FAN1: variants seen among roughly 807,000 people sequenced by gnomAD.
FAN1 encodes the protein fanconi-associated nuclease 1.
Under a neutral mutation model 104.9 loss-of-function variants are expected in FAN1, and 91 were observed. The observed-to-expected ratio is 0.87, with a 90% CI of 0.73 to 1.03. FAN1 has a LOEUF of 1.03. FAN1 is among the 50% of genes least tolerant of loss of function. The pLI is 0.00. For missense variants in FAN1, 1,263 were observed against 1,239.9 expected (o/e 1.02, Z -0.28); for synonymous variants, 478 against 457.6 (o/e 1.04, Z -0.57).
At chr15:30,940,783 A>G in intron 14 of FAN1, 1 of 986,932 alleles carries the variant, frequency 1.0e-6, no homozygotes, top group Non-Finnish European at 1.2e-6. Context: ...AAGTGAAATT[A>G]TATTTTCTTC....
chr15:30,936,578 T>C (rs970984440), intron 13 of FAN1, among the ~76,000 whole-genome samples: 7 of 152,234 alleles, frequency 4.6e-5, no homozygotes, highest in Non-Finnish European at 7.3e-5. Context: ...TCTGAATAAA[T>C]TTCTTAGCTA....
Position 30,918,227 on chromosome 15 carries a change from A to G in FAN1, c.1875A>G (p.Glu625=). 6.2e-7 allele frequency: 1 copy of G among 1,614,144 alleles called. No homozygotes were observed. Among genetic ancestry groups the G allele is most frequent in the Non-Finnish European group, 8.5e-7 (1 of 1,180,012 alleles). ...ISSAMANGNW[E]EAKELAQCAK... is the part of the protein sequence containing the mutation. ...CCGCAATGGCCAATGGGAACTGGGA[A>G]GAAGCTAAGGAGCTCGCTCAGTGTG... Residue 625 remains glutamate, a synonymous_variant, in exon 6 of 15, where the codon GAA becomes GAG. Transcript: ENST00000362065.
chr15:30,930,705 A>G, intron 13 of FAN1, 34 bp downstream of exon 13: 7 of 1,610,482 alleles, frequency 4.3e-6, no homozygotes, highest in Non-Finnish European at 5.9e-6. Flanking sequence ...TCCTGTTGGT[A>G]ACCTTATTAG....
In FAN1 at chr15:30,942,649, T is replaced by G. The variant is rs1288609968; in HGVS notation, c.*1087T>G. 2.1e-6 allele frequency: 1 copy of G among 467,868 alleles called. No individual in the cohort carries two copies. The highest frequency in any genetic ancestry group is 3.7e-6 in the Non-Finnish European group (1 of 268,832). The allele number at this position is 467,868 out of a possible 1,614,324, so 29.0% of individuals were successfully genotyped here. A position where few individuals can be genotyped will look rare whatever the true frequency, so the allele number is the denominator to read the frequency against. ...AATGGATAAATGGGGCTTTAGTAAATCAGGCTTGCAGGCTCAAAGCTGCAA... is the reference window on the plus strand; with the variant it reads ...AATGGATAAATGGGGCTTTAGTAAAGCAGGCTTGCAGGCTCAAAGCTGCAA... On this transcript the variant is annotated 3_prime_UTR_variant, in exon 15 of 15. Transcript: ENST00000362065.
At position 30,908,235 on chromosome 15, in the gene FAN1, C is replaced by T. The variant is rs182455628; in HGVS notation, c.1352C>T (p.Thr451Met). 20 of 1,605,236 alleles carry T rather than the reference C, an allele frequency of 1.2e-5. No individual in the cohort carries two copies. Among genetic ancestry groups the T allele is most frequent in the South Asian group, 5.7e-5 (5 of 88,466 alleles). Residue 451 changes from threonine to methionine, a missense_variant, in exon 3 of 15, where the codon ACG becomes ATG. This residue lies in a region of FAN1 where 682 missense variants were observed against 571.1 expected (regional missense o/e 1.19). Coordinates refer to ENST00000362065, the MANE Select transcript of FAN1 (RefSeq NM_014967.5). ...TTAACACCTGTGATTGAAGAATTGA[C>T]GAATGCAGGCTTTCTACAGACAGGT... ...LDLTPVIEELTNAGFLQTESE... is the reference protein window; with the variant it reads ...LDLTPVIEELMNAGFLQTESE...
Position 30,908,255 on chromosome 15 carries a change from A to T in FAN1, c.1372A>T (p.Thr458Ser). ...EELTNAGFLQTESELQELSEV... is the reference protein window; with the variant it reads ...EELTNAGFLQSESELQELSEV... ...ATTGACGAATGCAGGCTTTCTACAGACAGGTATGACTAGTAGAAGGAGATG... is the reference window on the plus strand; with the variant it reads ...ATTGACGAATGCAGGCTTTCTACAGTCAGGTATGACTAGTAGAAGGAGATG... The change falls in exon 3 of 15, where the codon ACA (threonine) becomes TCA (serine). Residue 458 changes from threonine (T) to serine (S), a missense_variant. This residue lies in a region of FAN1 where 682 missense variants were observed against 571.1 expected (regional missense o/e 1.19). Coordinates refer to ENST00000362065, the MANE Select transcript of FAN1 (RefSeq NM_014967.5). 6.2e-7 allele frequency: 1 copy of T among 1,603,054 alleles called. No individual in the cohort carries two copies. The highest frequency in any genetic ancestry group is 8.5e-7 in the Non-Finnish European group (1 of 1,175,636).
In FAN1 at chr15:30,937,207, A is replaced by C; in HGVS notation, c.3005A>C (p.Glu1002Ala). The change falls in exon 14 of 15, where the codon GAA becomes GCA. Residue 1002 changes from glutamate (E) to alanine (A), a missense_variant. Around this residue, in one of 2 missense-constraint regions of FAN1, gnomAD observed 581 missense variants for 668.8 expected, o/e 0.87. Transcript: ENST00000362065. ...CTGCAGAAGCTGGGGGCTGAAGTAG[A>C]AGTCTGCCATGTGGTTGCAGTTGGA... ...AELQKLGAEVEVCHVVAVGAK... is the reference protein window; with the variant it reads ...AELQKLGAEVAVCHVVAVGAK... 6.2e-7 allele frequency: 1 copy of C among 1,614,170 alleles called. No individual in the cohort carries two copies. Among genetic ancestry groups the C allele is most frequent in the Non-Finnish European group, 8.5e-7 (1 of 1,180,016 alleles).
At chr15:30,937,597 G>A (rs1220152488) in intron 14 of FAN1, among the ~76,000 whole-genome samples, 1 of 151,590 alleles carries the variant, frequency 6.6e-6, no homozygotes, top group Non-Finnish European at 1.5e-5. Flanking sequence ...GACTACAGGT[G>A]TGCGCCACCA....
chr15:30,942,102 G>C lies in FAN1; in HGVS notation c.*540G>C. ...ACAGAAGAGATTTTATTATGTTCCG[G>C]GGATTCCCTTTTTAGAAAGATTGAA... is the stretch of plus-strand genomic sequence containing the variant. On this transcript the variant is annotated 3_prime_UTR_variant, in exon 15 of 15. Transcript: ENST00000362065. 6.3e-7 allele frequency: 1 copy of C among 1,578,560 alleles called. No homozygotes were observed. Among genetic ancestry groups the C allele is most frequent in the Non-Finnish European group, 8.6e-7 (1 of 1,161,954 alleles).
rs2293316 is a variant in FAN1 at position 30,922,664 on chromosome 15, C to T, written c.2172+310C>T. The stretch of plus-strand genomic sequence containing the variant: ...GAAAGGGAGAGTCAGATGACTCAGC[C>T]GTCAGCAAGTCAGCAAGTGCCTTCA... On this transcript the variant is annotated intron_variant, in intron 8 of 14. Transcript: ENST00000362065. Among the ~76,000 whole-genome samples, 52 of 152,278 alleles carry T rather than the reference C, an allele frequency of 3.4e-4. No individual in the cohort carries two copies. The East Asian group carries it at 9.3e-3, about 27-fold the overall frequency.
At chr15:30,904,411 C>G in intron 1 of FAN1, 101 bp from the exon 2 acceptor site, 1 of 569,742 alleles carries the variant, frequency 1.8e-6, no homozygotes, top group Non-Finnish European at 3.1e-6. Flanking sequence ...AGGGTTGTCT[C>G]CTCGTTACAG....
At chr15:30,913,371 T>G (rs563230702) in intron 4 of FAN1, among the ~76,000 whole-genome samples, 2 of 152,304 alleles carry the variant, frequency 1.3e-5, no homozygotes, top group South Asian at 4.1e-4. Context: ...CCAAAAGCGT[T>G]GACTGCTGCG....
chr15:30,941,366 C>A, intron 14 of FAN1, 200 bp from the exon 15 acceptor site: 2 of 1,538,850 alleles, frequency 1.3e-6, no homozygotes, highest in Non-Finnish European at 8.7e-7. Context: ...AACTATTATT[C>A]TTACATATAA....
At position 30,929,645 on chromosome 15, in the gene FAN1, TATATA is replaced by T. The variant is rs575579973; in HGVS notation, c.2787+259_2787+263del. 1.2e-3 allele frequency among the ~76,000 whole-genome samples: 141 copies of T among 116,370 alleles called. 2 individuals carry two copies. The highest frequency in any genetic ancestry group is 3.5e-3 in the African/African-American group (83 of 23,660). The allele number at this position is 116,370 out of a possible 152,430, so 76.3% of individuals were successfully genotyped here. On this transcript the variant is annotated intron_variant, in intron 12 of 14. Coordinates refer to ENST00000362065, the MANE Select transcript of FAN1 (RefSeq NM_014967.5). The stretch of plus-strand genomic sequence containing the variant: ...ATATTATATATTATACAATATACAA[TATATA>T]ATATAATATATGAAATATATAATAT...
chr15:30,917,252 C>T (rs749472904), intron 5 of FAN1, among the ~76,000 whole-genome samples: 1 of 152,012 alleles, frequency 6.6e-6, no homozygotes. Flanking sequence ...GTGCTGGAGG[C>T]GTCAGTGTGT....
chr15:30,925,070 A>C, intron 8 of FAN1, 57 bp from the exon 9 acceptor site: 4 of 1,541,212 alleles, frequency 2.6e-6, no homozygotes, highest in Non-Finnish European at 2.6e-6. Flanking sequence ...AACTAAATGC[A>C]TGGAAGCCGC....
rs1280564779 is a variant in FAN1 at position 30,940,488 on chromosome 15, A to ATTAG, written c.*4-1074_*4-1071dup. 5.3e-5 allele frequency: 52 copies of ATTAG among 985,244 alleles called. No individual in the cohort carries two copies. In the Admixed American group the frequency reaches 9.8e-4, roughly 19 times the overall value. The allele number at this position is 985,244 out of a possible 1,614,324, so 61.0% of individuals were successfully genotyped here. A position where few individuals can be genotyped will look rare whatever the true frequency, so the allele number is the denominator to read the frequency against. On this transcript the variant is annotated intron_variant, in intron 14 of 14. Transcript: ENST00000362065. ...GTGCAGGTGCCCAACTCGTAACCTC[A>ATTAG]TTAGTTATTTCCAGGGGGAAGTGCC...
rs764568512 is a variant in FAN1 at position 30,942,877 on chromosome 15, A to G, written c.*1315A>G. 5.2e-6 allele frequency: 8 copies of G among 1,551,478 alleles called. No individual in the cohort carries two copies. In the South Asian group the frequency reaches 9.6e-5, roughly 19 times the overall value. On this transcript the variant is annotated 3_prime_UTR_variant, in exon 15 of 15. Transcript: ENST00000362065. The stretch of plus-strand genomic sequence containing the variant: ...GTGTGAGCCAACATCACGTTTTGTT[A>G]GCTGTGATTTACCTTTGTCCGTTTA...
intron 10 of FAN1, chr15:30,927,130 C>T (rs959616645): frequency 4.4e-6 from 4 of 911,988 alleles, no homozygotes; most frequent in Non-Finnish European, 5.2e-6. Context: ...GATCTCTTGA[C>T]CCCAGGAGGT....
Sources: allele counts gnomAD v4.1 joint callset (sites outside exome capture counted in the v4.1 genomes callset), GRCh38; gene constraint gnomAD v4.1.1; regional missense constraint gnomAD v4.1.1; transcripts MANE v1.5; gene names NCBI Gene and HGNC (gene_info 2026-07-23, HGNC 2026-07-21).